TRAPPC3: variants seen among roughly 807,000 people sequenced by gnomAD.
TRAPPC3 encodes the protein trafficking protein particle complex subunit 3, also known as trafficking protein particle complex 3.
Under a neutral mutation model 18.2 loss-of-function variants are expected in TRAPPC3, and 5 were observed. The ratio of observed to expected loss-of-function variants is 0.28; its 90% CI spans 0.14 to 0.58. TRAPPC3 has a LOEUF of 0.58. Ranked by LOEUF, TRAPPC3 falls within the 20% of genes least tolerant of loss-of-function variation. The probability of loss-of-function intolerance (pLI) is 0.91; values close to 1 mark genes in which losing one functional copy is unlikely to be tolerated. For synonymous variants in TRAPPC3, 65 were observed against 84.2 expected, an observed-to-expected ratio of 0.77 and a Z score of 1.25; for missense variants, 176 against 225.9, an observed-to-expected ratio of 0.78 and a Z score of 1.41.
intron 1 of TRAPPC3, among the ~76,000 whole-genome samples, chr1:36,147,190 T>C (rs547493629): frequency 1.3e-5 from 2 of 152,048 alleles, no homozygotes; most frequent in South Asian, 2.1e-4. Flanking sequence ...GCCGTAGTGG[T>C]TGGGTGCCTG....
intron 1 of TRAPPC3, among the ~76,000 whole-genome samples, chr1:36,147,059 A>G (rs1245535043): frequency 6.6e-6 from 1 of 152,182 alleles, no homozygotes; most frequent in Non-Finnish European, 1.5e-5. Context: ...TTCAAGAAAC[A>G]AAAAATGAAG....
At chr1:36,140,531 AACAG>A (rs1238092736) in intron 1 of TRAPPC3, 1 of 180,528 alleles carries the variant, frequency 5.5e-6, no homozygotes, top group Non-Finnish European at 1.1e-5. Context: ...AAACACCTGA[AACAG>A]ACATTTACAA....
chr1:36,154,090 C>T (rs538790497), upstream of TRAPPC3, among the ~76,000 whole-genome samples: 11 of 152,266 alleles, frequency 7.2e-5, no homozygotes, highest in South Asian at 2.1e-3. Flanking sequence ...CTGCAACCTC[C>T]GCCTCTGGGG....
chr1:36,140,925 G>A (rs186110977), intron 1 of TRAPPC3: 1 of 152,354 alleles, frequency 6.6e-6, no homozygotes, highest in African/African-American at 2.4e-5. Context: ...GGGAGGGCAA[G>A]GCGGGTGGAT....
upstream of TRAPPC3, among the ~76,000 whole-genome samples, chr1:36,152,673 T>A (rs1427092001): frequency 1.3e-5 from 2 of 149,472 alleles, no homozygotes; most frequent in African/African-American, 2.5e-5. Flanking sequence ...TCTCTTTTTT[T>A]AGACAGGGTC....
At chr1:36,152,183 C>A (rs1461265404), upstream of TRAPPC3, among the ~76,000 whole-genome samples, 1 of 152,156 alleles carries the variant, frequency 6.6e-6, no homozygotes, top group South Asian at 2.1e-4. Context: ...CAGTGATTTC[C>A]TTCATCTCTC....
intron 1 of TRAPPC3, among the ~76,000 whole-genome samples, chr1:36,145,011 G>A (rs886863129): frequency 4.6e-5 from 7 of 152,192 alleles, no homozygotes; most frequent in Non-Finnish European, 1.0e-4. Context: ...TCTCCTTAAG[G>A]AGGCTGATCT....
chr1:36,147,669 A>G (rs1222588826), intron 1 of TRAPPC3, among the ~76,000 whole-genome samples: 3 of 152,108 alleles, frequency 2.0e-5, no homozygotes, highest in African/African-American at 7.2e-5. Context: ...ACCAGCATAG[A>G]GTTAGAGGTT....
rs1644080342 is a variant in TRAPPC3, at chr1:36,139,760, C to T, written c.200G>A (p.Arg67Lys). The stretch of plus-strand genomic sequence containing the variant: ...CGCAGTTTCCCGAAAGTCATGGCAC[C>T]TCCCAACATTTGACCGAGCCAAGAA... ...EDFLARSNVG[R>K]CHDFRETADV... The change falls in exon 3 of 5, where the codon AGG (arginine) becomes AAG (lysine). Residue 67 changes from arginine (R) to lysine (K), a missense_variant. Physicochemically the swap from Arg to Lys is conservative, Grantham distance 26. Around this residue, in one of 2 missense-constraint regions of TRAPPC3, gnomAD observed 147 missense variants for 164.3 expected, o/e 0.89. Transcript: ENST00000373166. 5 of 1,614,096 alleles carry T rather than the reference C, an allele frequency of 3.1e-6. No homozygotes were observed. The highest frequency in any genetic ancestry group is 4.2e-6 in the Non-Finnish European group (5 of 1,180,022).
intron 1 of TRAPPC3, among the ~76,000 whole-genome samples, chr1:36,143,735 T>C (rs1458593780): frequency 6.6e-6 from 1 of 152,220 alleles, no homozygotes; most frequent in East Asian, 1.9e-4. Context: ...GATGACAGGT[T>C]AAGTAACTGA....
At chr1:36,142,930 G>A (rs371150236) in intron 1 of TRAPPC3, among the ~76,000 whole-genome samples, 4 of 152,186 alleles carry the variant, frequency 2.6e-5, no homozygotes, top group East Asian at 3.8e-4. Flanking sequence ...TACTTGGGAG[G>A]CTGAGGCGGG....
At chr1:36,151,881 C>T (rs1449367414), upstream of TRAPPC3, among the ~76,000 whole-genome samples, 1 of 152,178 alleles carries the variant, frequency 6.6e-6, no homozygotes, top group African/African-American at 2.4e-5. Flanking sequence ...CTGAGTTCCC[C>T]GCCTCCCCAA....
chr1:36,149,100 T>G lies in TRAPPC3; in HGVS notation c.42+237A>C. On this transcript the variant is annotated intron_variant, in intron 1 of 4. Coordinates refer to ENST00000373166, the MANE Select transcript of TRAPPC3 (RefSeq NM_014408.5). Reference sequence around the variant, plus strand: ...TTATTGGTATTTATTACCGTCGTTGTTGTTGGCTTAGCACAGAGCTGCACT... The same window carrying G: ...TTATTGGTATTTATTACCGTCGTTGGTGTTGGCTTAGCACAGAGCTGCACT... 8 of 1,409,996 alleles carry G rather than the reference T, an allele frequency of 5.7e-6. No individual in the cohort carries two copies. In the East Asian group the frequency reaches 7.8e-5, roughly 14 times the overall value. The allele number at this position is 1,409,996 out of a possible 1,614,324, so 87.3% of individuals were successfully genotyped here. A position where few individuals can be genotyped will look rare whatever the true frequency, so the allele number is the denominator to read the frequency against.
At chr1:36,152,646 T>G (rs1273066480), upstream of TRAPPC3, among the ~76,000 whole-genome samples, 1 of 151,732 alleles carries the variant, frequency 6.6e-6, no homozygotes, top group Non-Finnish European at 1.5e-5. Flanking sequence ...TTTAAAGATT[T>G]TTTTTACTAT....
In TRAPPC3 at chr1:36,136,996, C is replaced by A. The variant is rs142096268; in HGVS notation, c.*207G>T. ...CCAGCCCCTCTCAAGGGAATGGGGGCAGAGACTGTCGCTCCTGAATGTGCA... is the reference window on the plus strand; with the variant it reads ...CCAGCCCCTCTCAAGGGAATGGGGGAAGAGACTGTCGCTCCTGAATGTGCA... On this transcript the variant is annotated 3_prime_UTR_variant, in exon 5 of 5. Coordinates refer to ENST00000373166, the MANE Select transcript of TRAPPC3 (RefSeq NM_014408.5). The A allele has an allele frequency of 6.9e-4, 328 of 474,070 alleles. 2 individuals are homozygous for A. The highest frequency in any genetic ancestry group is 5.4e-3 in the African/African-American group (276 of 51,244). The allele number at this position is 474,070 out of a possible 1,614,324, so 29.4% of individuals were successfully genotyped here. A position where few individuals can be genotyped will look rare whatever the true frequency, so the allele number is the denominator to read the frequency against.
upstream of TRAPPC3, among the ~76,000 whole-genome samples, chr1:36,150,997 C>G (rs533923292): frequency 6.6e-5 from 10 of 152,354 alleles, no homozygotes; most frequent in Admixed American, 6.5e-4. Context: ...GCCAGCCACC[C>G]AACCCCACCC....
rs1246120837 is a variant in TRAPPC3, at chr1:36,137,755, T to C, written c.423+41A>G. 10 of 1,587,370 alleles carry C rather than the reference T, an allele frequency of 6.3e-6. No homozygotes were observed. The East Asian group carries it at 6.7e-5, about 11-fold the overall frequency. On this transcript the variant is annotated intron_variant, in intron 4 of 4. Coordinates refer to ENST00000373166, the MANE Select transcript of TRAPPC3 (RefSeq NM_014408.5). ...CATTTAAACACTTATCAAGTCCCTA[T>C]TGCATTTCGGGTGTCCCAGAAGATA...
chr1:36,149,015 G>A, intron 1 of TRAPPC3: 1 of 1,210,600 alleles, frequency 8.3e-7, no homozygotes, highest in Non-Finnish European at 1.1e-6. Context: ...GATTAACTGA[G>A]ATGCTGTAAC....
chr1:36,153,769 G>T (rs1644290197), upstream of TRAPPC3, among the ~76,000 whole-genome samples: 1 of 152,168 alleles, frequency 6.6e-6, no homozygotes, highest in Admixed American at 6.5e-5. Context: ...CCTGATGTAG[G>T]CTAATACCAG....
Sources: gnomAD v4.1 joint callset for allele counts (sites outside exome capture counted in the v4.1 genomes callset) on GRCh38, gnomAD v4.1.1 for gene constraint, gnomAD v4.1.1 regional missense constraint, MANE v1.5 for transcripts, NCBI Gene and HGNC (gene_info 2026-07-23, HGNC 2026-07-21) for gene names.